Variants in TFRC observed in about 807,000 individuals in gnomAD.
TFRC encodes transferrin receptor.
Under a neutral mutation model 85.8 loss-of-function variants are expected in TFRC, and 35 were observed. The ratio of observed to expected loss-of-function variants is 0.41; its 90% CI spans 0.31 to 0.54. TFRC has a LOEUF of 0.54. TFRC is among the 20% of genes least tolerant of loss of function. The pLI is 0.31. For synonymous variants in TFRC, 362 were observed against 328.6 expected (o/e 1.10, Z -1.10); for missense variants, 828 against 921.5 (o/e 0.90, Z 1.31).
intron 9 of TFRC, 41 bp downstream of exon 9, chr3:196,067,476 TA>T (rs1717826984): frequency 6.3e-7 from 1 of 1,585,090 alleles, no homozygotes; most frequent in Non-Finnish European, 8.6e-7. Context: ...TCCCTAATCA[TA>T]AAACCTCACT....
chr3:196,073,398 C>T (rs1399019327), intron 4 of TFRC, among the ~76,000 whole-genome samples: 1 of 151,842 alleles, frequency 6.6e-6, no homozygotes, highest in Non-Finnish European at 1.5e-5. Context: ...TGAGAGCACG[C>T]CACCGTATTC....
At chr3:196,079,167 T>C (rs997701306) in intron 1 of TFRC, among the ~76,000 whole-genome samples, 6 of 152,080 alleles carry the variant, frequency 3.9e-5, no homozygotes, top group Non-Finnish European at 7.4e-5. Context: ...ACCAGAACAG[T>C]AAGGACCCAA....
At chr3:196,078,043 G>C (rs925425849) in intron 1 of TFRC, among the ~76,000 whole-genome samples, 2 of 152,172 alleles carry the variant, frequency 1.3e-5, no homozygotes, top group Non-Finnish European at 2.9e-5. Context: ...CTGGGTTATA[G>C]AAATTGTGTT....
chr3:196,068,516 CAGG>C (rs898749410), intron 7 of TFRC, among the ~76,000 whole-genome samples: 1 of 141,094 alleles, frequency 7.1e-6, no homozygotes, highest in African/African-American at 2.7e-5. Context: ...GAAGCTGAGG[CAGG>C]AGAATCGCTT....
chr3:196,054,348 T>G lies in TFRC; in HGVS notation c.1899+732A>C, dbSNP rs552316927. 3.9e-5 allele frequency among the ~76,000 whole-genome samples: 6 copies of G among 152,118 alleles called. No homozygotes were observed. The East Asian group carries it at 7.7e-4, about 20-fold the overall frequency. On this transcript the variant is annotated intron_variant, in intron 17 of 18. Transcript: ENST00000360110. ...TAAAGCCGGGAGGTGGAGGTTGCAG[T>G]GAGCCGAGATCATGTCATTGCATTC... is the stretch of plus-strand genomic sequence containing the variant.
chr3:196,074,247 T>C (rs1718467927), intron 3 of TFRC, 122 bp from the exon 4 acceptor site: 4 of 875,136 alleles, frequency 4.6e-6, no homozygotes, highest in Non-Finnish European at 7.0e-6. Context: ...TAAGTAGTTT[T>C]AAAGTATATA....
chr3:196,066,973 G>T (rs1021454870), intron 9 of TFRC, among the ~76,000 whole-genome samples: 1 of 152,148 alleles, frequency 6.6e-6, no homozygotes, highest in East Asian at 1.9e-4. Flanking sequence ...ATGGAACTGG[G>T]CTCTGTTTTT....
At chr3:196,058,191 C>A in intron 16 of TFRC, 93 bp downstream of exon 16, 1 of 968,176 alleles carries the variant, frequency 1.0e-6, no homozygotes, top group Non-Finnish European at 1.6e-6. Flanking sequence ...GACTATAGCA[C>A]AGGCATTCCC....
chr3:196,060,301 C>G, intron 13 of TFRC, 54 bp from the exon 14 acceptor site: 2 of 1,419,654 alleles, frequency 1.4e-6, no homozygotes, highest in Non-Finnish European at 2.0e-6. Context: ...AATTTTCACA[C>G]TGCTACTTCT....
intron 6 of TFRC, among the ~76,000 whole-genome samples, chr3:196,070,586 T>A (rs1192500647): frequency 6.6e-6 from 1 of 151,772 alleles, no homozygotes; most frequent in Non-Finnish European, 1.5e-5. Context: ...AATTATTCTA[T>A]CTATCTGTTC....
chr3:196,073,788 C>T, intron 4 of TFRC, 142 bp downstream of exon 4: 2 of 828,148 alleles, frequency 2.4e-6, no homozygotes, highest in Non-Finnish European at 3.5e-6. Flanking sequence ...TTTACAGGCC[C>T]CTTCCCCTCT....
chr3:196,058,317 A>C lies in TFRC; in HGVS notation c.1644T>G (p.Ser548=). 6.2e-7 allele frequency: 1 copy of C among 1,614,122 alleles called. No individual in the cohort carries two copies. Among genetic ancestry groups the C allele is most frequent in the Non-Finnish European group, 8.5e-7 (1 of 1,179,994 alleles). ...DNAAFPFLAY[S]GIPAVSFCFC... is the part of the protein sequence containing the mutation. ...AACAGAAAGAAACTGCTGGGATTCC[A>C]GAATATGCAAGGAAAGGGAAAGCAG... Residue 548 remains serine (S), a synonymous_variant, in exon 16 of 19, where the codon TCT becomes TCG. Coordinates refer to ENST00000360110, the MANE Select transcript of TFRC (RefSeq NM_001128148.3).
intron 11 of TFRC, chr3:196,063,349 T>A (rs1299422066): frequency 6.5e-6 from 1 of 153,008 alleles, no homozygotes; most frequent in Admixed American, 6.5e-5. Flanking sequence ...ATTGGATTTT[T>A]AAAAAAATAA....
At chr3:196,069,003 A>ACT (rs1397319232) in intron 7 of TFRC, among the ~76,000 whole-genome samples, 1 of 151,868 alleles carries the variant, frequency 6.6e-6, no homozygotes, top group Non-Finnish European at 1.5e-5. Flanking sequence ...TCTCACTGTC[A>ACT]CTCAGGCTGG....
intron 9 of TFRC, among the ~76,000 whole-genome samples, chr3:196,067,150 CG>C (rs1717803146): frequency 6.6e-6 from 1 of 152,170 alleles, no homozygotes; most frequent in African/African-American, 2.4e-5. Context: ...ATGGATGTTT[CG>C]GGGAATAGGA....
At chr3:196,065,363 T>G (rs952299314) in intron 10 of TFRC, 80 bp downstream of exon 10, 22 of 849,582 alleles carry the variant, frequency 2.6e-5, no homozygotes, top group Non-Finnish European at 3.7e-5. Flanking sequence ...CTACACTCGC[T>G]CCTTCTCTAG....
chr3:196,052,250 C>T (rs1466041310), intron 18 of TFRC, 66 bp from the exon 19 acceptor site: 2 of 1,370,308 alleles, frequency 1.5e-6, no homozygotes, highest in African/African-American at 1.5e-5. Flanking sequence ...CAACAGTTCA[C>T]TTCAAATGTA....
chr3:196,070,787 A>AATG (rs1353430612), intron 6 of TFRC, among the ~76,000 whole-genome samples: 4 of 123,288 alleles, frequency 3.2e-5, no homozygotes. Flanking sequence ...TAATAATAAT[A>AATG]ATAATAATAA....
chr3:196,051,622 AT>A lies in TFRC; in HGVS notation c.*319del, dbSNP rs1420105852. The A allele has an allele frequency of 5.8e-6, 2 of 346,406 alleles. No homozygotes were observed. Among genetic ancestry groups the A allele is most frequent in the Non-Finnish European group, 1.1e-5 (2 of 187,460 alleles). The allele number at this position is 346,406 out of a possible 1,614,324, so 21.5% of individuals were successfully genotyped here. A position where few individuals can be genotyped will look rare whatever the true frequency, so the allele number is the denominator to read the frequency against. The stretch of plus-strand genomic sequence containing the variant: ...AGACCAGCCCTTAGGATTCAGAGAG[AT>A]CATTCACATAACTGGTTTCTGACAT... On this transcript the variant is annotated 3_prime_UTR_variant, in exon 19 of 19. Transcript: ENST00000360110.
Sources: gnomAD v4.1 joint callset for allele counts (sites outside exome capture counted in the v4.1 genomes callset) on GRCh38, gnomAD v4.1.1 for gene constraint, MANE v1.5 for transcripts, NCBI Gene and HGNC (gene_info 2026-07-23, HGNC 2026-07-21) for gene names.